Variants in ADCY7 observed in about 807,000 individuals in gnomAD.
The protein encoded by ADCY7 is adenylate cyclase type 7.
In ADCY7, 72 loss-of-function variants were observed where a neutral mutation model predicts 120.6. That is an observed-to-expected ratio of 0.60 (90% CI 0.49 to 0.73). ADCY7 has a LOEUF of 0.73. Ranked by LOEUF, ADCY7 falls within the 30% of genes least tolerant of loss-of-function variation. The pLI, the probability that ADCY7 is intolerant of heterozygous loss-of-function variation, is 0.00. For missense variants in ADCY7, 1,227 were observed against 1,486.0 expected (o/e 0.83, Z 2.87); for synonymous variants, 661 against 628.0 (o/e 1.05, Z -0.78).
intron 15 of ADCY7, 98 bp downstream of exon 15, chr16:50,307,245 G>T: frequency 8.2e-7 from 1 of 1,222,106 alleles, no homozygotes; most frequent in Non-Finnish European, 1.2e-6. Flanking sequence ...GGGCTGGAAG[G>T]GGTCGGCTGC....
chr16:50,299,586 G>A (rs2035583608), intron 8 of ADCY7, among the ~76,000 whole-genome samples: 2 of 152,362 alleles, frequency 1.3e-5, no homozygotes, highest in African/African-American at 4.8e-5. Context: ...GTGGGGCAGA[G>A]CAGGGCCCGG....
chr16:50,291,669 G>A (rs535200845), intron 3 of ADCY7, 67 bp from the exon 4 acceptor site: 51 of 1,598,490 alleles, frequency 3.2e-5, no homozygotes, highest in South Asian at 3.1e-4. Context: ...TGTGGTGCAG[G>A]GTTCCGGGGG....
chr16:50,272,467 G>A (rs2033635085), intron 1 of ADCY7, among the ~76,000 whole-genome samples: 1 of 152,218 alleles, frequency 6.6e-6, no homozygotes, highest in Non-Finnish European at 1.5e-5. Flanking sequence ...GGCTGGGCAG[G>A]GAGAAGCCTA....
chr16:50,259,827 G>T (rs76025612), intron 1 of ADCY7, among the ~76,000 whole-genome samples: 1 of 152,324 alleles, frequency 6.6e-6, no homozygotes, highest in East Asian at 1.9e-4. Flanking sequence ...GTCAGAAGGC[G>T]CTAGTGGACC....
chr16:50,292,516 G>A (rs2035053045), intron 4 of ADCY7, 160 bp from the exon 5 acceptor site: 2 of 842,232 alleles, frequency 2.4e-6, no homozygotes, highest in South Asian at 1.7e-5. Context: ...CTCCTGTCTG[G>A]GCCTCAGTTT....
intron 1 of ADCY7, among the ~76,000 whole-genome samples, chr16:50,246,684 A>G (rs1306215301): frequency 1.3e-5 from 2 of 152,196 alleles, no homozygotes; most frequent in Admixed American, 6.5e-5. Flanking sequence ...AGCAGCGAGC[A>G]GGACCCCTCG....
chr16:50,310,802 T>C lies in ADCY7; in HGVS notation c.2276T>C (p.Phe759Ser). ...GCCCTGGTGGCCTACCTGGTGCTCT[T>C]CAACCTCTCCCCATGCTGGCAGTGG... Reference protein sequence around the residue: ...TVALVAYLVLFNLSPCWQWDC... With the variant: ...TVALVAYLVLSNLSPCWQWDC... Residue 759 changes from phenylalanine to serine, a missense_variant, in exon 19 of 26, where the codon TTC becomes TCC. Around this residue, in one of 5 missense-constraint regions of ADCY7, gnomAD observed 267 missense variants for 270.0 expected, o/e 0.99. Transcript: ENST00000673801. 1 of 1,614,154 alleles carries C rather than the reference T, an allele frequency of 6.2e-7. No homozygotes were observed. Among genetic ancestry groups the C allele is most frequent in the Non-Finnish European group, 8.5e-7 (1 of 1,180,008 alleles).
chr16:50,298,602 G>A (rs1404973625), intron 7 of ADCY7, among the ~76,000 whole-genome samples: 2 of 152,202 alleles, frequency 1.3e-5, no homozygotes, highest in Admixed American at 6.5e-5. Context: ...GCCTGGGGCC[G>A]GGTACTCAGT....
intron 1 of ADCY7, among the ~76,000 whole-genome samples, chr16:50,286,417 G>A (rs2034582426): frequency 2.4e-5 from 3 of 124,672 alleles, no homozygotes; most frequent in East Asian, 4.2e-4. Flanking sequence ...GTGACAGAGT[G>A]AGACCCCATC....
chr16:50,270,192 T>TAGAC (rs1303919301), intron 1 of ADCY7, among the ~76,000 whole-genome samples: 2 of 151,134 alleles, frequency 1.3e-5, no homozygotes, highest in Non-Finnish European at 2.9e-5. Context: ...GATAGATAGA[T>TAGAC]AGATAGATAG....
At chr16:50,291,553 G>A (rs926715062) in intron 3 of ADCY7, among the ~76,000 whole-genome samples, 183 bp from the exon 4 acceptor site, 2 of 152,198 alleles carry the variant, frequency 1.3e-5, no homozygotes, top group South Asian at 2.1e-4. Context: ...CCTTGTGGCC[G>A]GGCCCACCCT....
upstream of ADCY7, among the ~76,000 whole-genome samples, chr16:50,266,136 A>C (rs2033200335): frequency 6.6e-6 from 1 of 151,938 alleles, no homozygotes; most frequent in Admixed American, 6.6e-5. Flanking sequence ...GGGCCACCTT[A>C]CTACATAGAT....
At chr16:50,263,487 C>T (rs1026339144), upstream of ADCY7, among the ~76,000 whole-genome samples, 6 of 152,302 alleles carry the variant, frequency 3.9e-5, no homozygotes, top group East Asian at 1.9e-4. Flanking sequence ...GATTATCAAA[C>T]GGCAGGGTTT....
At chr16:50,310,509 TAC>T (rs1397754547) in intron 18 of ADCY7, 176 bp from the exon 19 acceptor site, 3 of 1,538,614 alleles carry the variant, frequency 1.9e-6, no homozygotes, top group Non-Finnish European at 2.6e-6. Flanking sequence ...GAAATAAAAC[TAC>T]AGTGAAAACA....
At chr16:50,304,604 C>A in intron 11 of ADCY7, 53 bp downstream of exon 11, 1 of 1,485,644 alleles carries the variant, frequency 6.7e-7, no homozygotes, top group Non-Finnish European at 9.1e-7. Flanking sequence ...AAGCCAGGAG[C>A]AGGAGAGTGA....
chr16:50,275,840 A>G (rs1426048305), intron 1 of ADCY7, among the ~76,000 whole-genome samples: 1 of 152,140 alleles, frequency 6.6e-6, no homozygotes, highest in Non-Finnish European at 1.5e-5. Context: ...CTTGGAGGTT[A>G]AGGTCCCAGA....
At chr16:50,285,249 G>T (rs1227735855) in intron 1 of ADCY7, among the ~76,000 whole-genome samples, 1 of 152,198 alleles carries the variant, frequency 6.6e-6, no homozygotes, top group Non-Finnish European at 1.5e-5. Flanking sequence ...GTTGCCCCTC[G>T]TTGAACAGGT....
At chr16:50,255,426 T>A (rs1294159466) in intron 1 of ADCY7, among the ~76,000 whole-genome samples, 2 of 99,294 alleles carry the variant, frequency 2.0e-5, no homozygotes, top group South Asian at 3.5e-4. Flanking sequence ...AAAAAAGACG[T>A]ATCAACCAAT....
At chr16:50,256,167 C>G (rs1486321694) in intron 1 of ADCY7, among the ~76,000 whole-genome samples, 1 of 152,056 alleles carries the variant, frequency 6.6e-6, no homozygotes, top group African/African-American at 2.4e-5. Context: ...AAAATATTTG[C>G]AAGCCAAACA....
Sources: allele counts gnomAD v4.1 joint callset (sites outside exome capture counted in the v4.1 genomes callset), GRCh38; gene constraint gnomAD v4.1.1; regional missense constraint gnomAD v4.1.1; transcripts MANE v1.5; gene names NCBI Gene and HGNC (gene_info 2026-07-23, HGNC 2026-07-21).